Variants in KCTD8 observed in about 807,000 individuals in gnomAD.
The protein encoded by KCTD8 is BTB/POZ domain-containing protein KCTD8.
KCTD8 carries 27 observed loss-of-function variants against 31.5 expected under a neutral mutation model. That is an observed-to-expected ratio of 0.86 (90% CI 0.63 to 1.18). The LOEUF is 1.18. Ranked by LOEUF, KCTD8 falls within the 50% of genes most tolerant of loss-of-function variation. The pLI is 0.00. For missense variants in KCTD8, 658 were observed against 647.7 expected, an observed-to-expected ratio of 1.02 and a Z score of -0.17; for synonymous variants, 290 against 280.0, an observed-to-expected ratio of 1.04 and a Z score of -0.36.
intron 1 of KCTD8, among the ~76,000 whole-genome samples, chr4:44,360,061 A>C (rs1445763976): frequency 6.6e-6 from 1 of 152,054 alleles, no homozygotes; most frequent in Non-Finnish European, 1.5e-5. Flanking sequence ...GGGGACTAGG[A>C]ATGATTCAGT....
At chr4:44,350,665 T>A (rs977803804) in intron 1 of KCTD8, among the ~76,000 whole-genome samples, 1 of 152,206 alleles carries the variant, frequency 6.6e-6, no homozygotes, top group African/African-American at 2.4e-5. Flanking sequence ...ATATATTTTT[T>A]TAAAATGAAT....
intron 1 of KCTD8, among the ~76,000 whole-genome samples, chr4:44,236,158 C>A (rs1577568563): frequency 1.3e-5 from 2 of 152,292 alleles, no homozygotes; most frequent in African/African-American, 4.8e-5. Context: ...CCAACTGCAG[C>A]CATGAGAGAG....
chr4:44,260,385 C>T (rs1716126387), intron 1 of KCTD8, among the ~76,000 whole-genome samples: 1 of 151,620 alleles, frequency 6.6e-6, no homozygotes, highest in Admixed American at 6.6e-5. Flanking sequence ...AAGGGATTTA[C>T]CTTCCAGGCA....
chr4:44,242,287 C>T (rs1715525562), intron 1 of KCTD8, among the ~76,000 whole-genome samples: 1 of 152,196 alleles, frequency 6.6e-6, no homozygotes, highest in African/African-American at 2.4e-5. Flanking sequence ...AGTTAAAAAA[C>T]TTGTTGATAG....
chr4:44,197,222 G>A (rs1713972912), intron 1 of KCTD8, among the ~76,000 whole-genome samples: 1 of 152,132 alleles, frequency 6.6e-6, no homozygotes, highest in Non-Finnish European at 1.5e-5. Flanking sequence ...AGAGTGACAA[G>A]AAGCCCAGGT....
intron 1 of KCTD8, among the ~76,000 whole-genome samples, chr4:44,394,501 C>T (rs2109452216): frequency 1.3e-5 from 2 of 152,140 alleles, no homozygotes; most frequent in Admixed American, 1.3e-4. Context: ...ATATGTATTC[C>T]CATATTATCA....
chr4:44,376,946 T>C (rs1224291177), intron 1 of KCTD8, among the ~76,000 whole-genome samples: 1 of 152,160 alleles, frequency 6.6e-6, no homozygotes, highest in East Asian at 1.9e-4. Flanking sequence ...ATGGGATGAC[T>C]GTGAAAGAAA....
intron 1 of KCTD8, among the ~76,000 whole-genome samples, chr4:44,288,466 G>A (rs1717167087): frequency 6.6e-6 from 1 of 152,096 alleles, no homozygotes; most frequent in South Asian, 2.1e-4. Context: ...ATGTTGAGTA[G>A]TGAATCTATT....
intron 1 of KCTD8, among the ~76,000 whole-genome samples, chr4:44,358,660 C>T (rs1469899510): frequency 6.6e-6 from 1 of 152,062 alleles, no homozygotes; most frequent in Non-Finnish European, 1.5e-5. Context: ...GCTCCGCCTC[C>T]CGGGTTCATG....
At chr4:44,252,162 T>C (rs1326887332) in intron 1 of KCTD8, among the ~76,000 whole-genome samples, 1 of 151,808 alleles carries the variant, frequency 6.6e-6, no homozygotes. Context: ...TCTCCAATTT[T>C]ACCCAGGTTG....
chr4:44,313,888 C>G (rs576506637), intron 1 of KCTD8, among the ~76,000 whole-genome samples: 2 of 152,294 alleles, frequency 1.3e-5, no homozygotes, highest in South Asian at 4.1e-4. Flanking sequence ...ACAACATTTG[C>G]AGAAGCCTGT....
At chr4:44,234,777 A>G (rs751949706) in intron 1 of KCTD8, among the ~76,000 whole-genome samples, 55 of 152,322 alleles carry the variant, frequency 3.6e-4, no homozygotes, top group Non-Finnish European at 6.6e-4. Flanking sequence ...TCCCACCCTC[A>G]GGGTCTTTAC....
At chr4:44,411,308 G>A (rs1720948182) in intron 1 of KCTD8, among the ~76,000 whole-genome samples, 1 of 149,016 alleles carries the variant, frequency 6.7e-6, no homozygotes, top group Admixed American at 6.7e-5. Context: ...ATCCCAAGAG[G>A]TCGAGGCTGC....
At chr4:44,232,768 A>G (rs553613097) in intron 1 of KCTD8, among the ~76,000 whole-genome samples, 1 of 152,232 alleles carries the variant, frequency 6.6e-6, no homozygotes, top group South Asian at 2.1e-4. Context: ...GCTATGTTTT[A>G]TTTCTAAGTT....
rs1254557034 is a variant in KCTD8, at chr4:44,174,511, A to G, written c.*279T>C. The G allele has an allele frequency of 1.0e-5, 3 of 291,122 alleles. No individual in the cohort carries two copies. Among genetic ancestry groups the G allele is most frequent in the Non-Finnish European group, 1.9e-5 (3 of 157,770 alleles). The allele number at this position is 291,122 out of a possible 1,614,324, so 18.0% of individuals were successfully genotyped here. A position where few individuals can be genotyped will look rare whatever the true frequency, so the allele number is the denominator to read the frequency against. ...CCAGAGTTCAAAAACCAAGATACTA[A>G]GCTTGATCATGCACATTTTACTTTC... On this transcript the variant is annotated 3_prime_UTR_variant, in exon 2 of 2. Transcript: ENST00000360029.
At position 44,174,940 on chromosome 4, in the gene KCTD8, A is replaced by G. The variant is rs775998035; in HGVS notation, c.1272T>C (p.Asn424=). The G allele has an allele frequency of 6.2e-7, 1 of 1,614,044 alleles. No homozygotes were observed. The highest frequency in any genetic ancestry group is 1.1e-5 in the South Asian group (1 of 91,078). Residue 424 remains asparagine, a synonymous_variant, in exon 2 of 2, where the codon AAT becomes AAC. Coordinates refer to ENST00000360029, the MANE Select transcript of KCTD8 (RefSeq NM_198353.3). ...TCTCACAGACTTTCTTTTTGGACAG[A>G]TTTGTTTCCCGGGACTTGCTGATGA... The part of the protein sequence containing the change: ...QTLISKSRET[N]LSKKKVCEKL...
intron 1 of KCTD8, among the ~76,000 whole-genome samples, chr4:44,298,071 CAG>C (rs1203929586): frequency 1.3e-5 from 2 of 152,106 alleles, no homozygotes; most frequent in South Asian, 2.1e-4. Context: ...GTATCTGATG[CAG>C]AGTTTGTCAG....
At chr4:44,233,083 G>T (rs917472895) in intron 1 of KCTD8, among the ~76,000 whole-genome samples, 1 of 151,482 alleles carries the variant, frequency 6.6e-6, no homozygotes, top group African/African-American at 2.4e-5. Context: ...TAATTTTTTG[G>T]TTTTTTTCTT....
intron 1 of KCTD8, among the ~76,000 whole-genome samples, chr4:44,272,113 G>A (rs1716628713): frequency 1.7e-5 from 2 of 119,988 alleles, no homozygotes; most frequent in South Asian, 4.6e-4. Context: ...AATACCCATG[G>A]TATTATATTA....
Sources: allele counts gnomAD v4.1 joint callset (sites outside exome capture counted in the v4.1 genomes callset), GRCh38; gene constraint gnomAD v4.1.1; transcripts MANE v1.5; gene names NCBI Gene and HGNC (gene_info 2026-07-23, HGNC 2026-07-21).